Variants in SIK3 observed in about 807,000 individuals in gnomAD.
SIK3 encodes the protein SIK family kinase 3, also known as serine/threonine-protein kinase SIK3.
SIK3 carries 28 observed loss-of-function variants against 144.2 expected under a neutral mutation model. That is an observed-to-expected ratio of 0.19 (90% CI 0.14 to 0.27). The LOEUF is 0.27. Among genes scored for constraint, SIK3 ranks in the 10% least tolerant of loss-of-function variants. The pLI is 1.00. For synonymous variants in SIK3, 686 were observed against 676.3 expected (o/e 1.01, Z -0.22); for missense variants, 1,319 against 1,776.0 (o/e 0.74, Z 4.62).
chr11:117,028,896 G>T (rs923115842), intron 1 of SIK3, among the ~76,000 whole-genome samples: 7 of 152,026 alleles, frequency 4.6e-5, no homozygotes, highest in African/African-American at 1.7e-4. Flanking sequence ...GGCCAGGCAT[G>T]GTGGCTCATA....
At chr11:116,888,875 G>A (rs529493832) in intron 6 of SIK3, among the ~76,000 whole-genome samples, 5 of 152,148 alleles carry the variant, frequency 3.3e-5, no homozygotes, top group African/African-American at 4.8e-5. Context: ...TTATTTCTAA[G>A]CACTAATAGA....
intron 4 of SIK3, among the ~76,000 whole-genome samples, chr11:116,910,556 A>G (rs1230695766): frequency 2.0e-5 from 3 of 152,332 alleles, no homozygotes; most frequent in East Asian, 1.9e-4. Context: ...TTCTTTCACC[A>G]TTCCAGAGCT....
intron 4 of SIK3, among the ~76,000 whole-genome samples, chr11:116,909,157 A>T (rs1351530621): frequency 6.6e-6 from 1 of 152,212 alleles, no homozygotes; most frequent in Non-Finnish European, 1.5e-5. Flanking sequence ...AAACAGACAA[A>T]AAATAATATA....
At chr11:117,032,285 T>C (rs1048930954) in intron 1 of SIK3, among the ~76,000 whole-genome samples, 2 of 152,208 alleles carry the variant, frequency 1.3e-5, no homozygotes, top group African/African-American at 4.8e-5. Flanking sequence ...ATGTTGAGTC[T>C]TCCAATCATG....
At chr11:116,984,132 G>A (rs1330442762) in intron 1 of SIK3, among the ~76,000 whole-genome samples, 1 of 151,778 alleles carries the variant, frequency 6.6e-6, no homozygotes, top group African/African-American at 2.4e-5. Flanking sequence ...GGGGAAAAGG[G>A]ATCTGTAAAC....
chr11:117,092,403 C>A (rs1955288346), intron 1 of SIK3, among the ~76,000 whole-genome samples: 1 of 152,154 alleles, frequency 6.6e-6, no homozygotes, highest in Non-Finnish European at 1.5e-5. Context: ...GGTCTCAGCT[C>A]AAATATCATC....
chr11:117,012,816 A>T (rs561632692), intron 1 of SIK3, among the ~76,000 whole-genome samples: 1 of 149,286 alleles, frequency 6.7e-6, no homozygotes, highest in South Asian at 2.1e-4. Flanking sequence ...TAATATATTG[A>T]AATTCTTAGG....
At chr11:117,020,236 C>CATATATATATATATGTATAT (rs754633188) in intron 1 of SIK3, among the ~76,000 whole-genome samples, 1 of 122,242 alleles carries the variant, frequency 8.2e-6, no homozygotes, top group African/African-American at 3.7e-5. Context: ...TGTATATGTG[C>CATATATATATATATGTATAT]ATATATATAT....
chr11:116,956,585 C>A (rs1949146768), intron 2 of SIK3, among the ~76,000 whole-genome samples: 1 of 152,118 alleles, frequency 6.6e-6, no homozygotes, highest in Non-Finnish European at 1.5e-5. Flanking sequence ...TAACTTTTCA[C>A]CTCTCTAAAT....
intron 1 of SIK3, among the ~76,000 whole-genome samples, chr11:116,989,949 CTG>C (rs143394454): frequency 0.071 from 10,737 of 152,192 alleles, 666 homozygotes; most frequent in African/African-American, 0.17. Flanking sequence ...AGAACAATTT[CTG>C]TGTCTCAATC....
chr11:116,956,315 T>C (rs1209531396), intron 2 of SIK3, among the ~76,000 whole-genome samples: 1 of 151,194 alleles, frequency 6.6e-6, no homozygotes, highest in African/African-American at 2.4e-5. Context: ...GCATGAAATA[T>C]GCATGTTTCT....
At chr11:116,893,339 C>T (rs529464193) in intron 6 of SIK3, among the ~76,000 whole-genome samples, 10 of 152,118 alleles carry the variant, frequency 6.6e-5, no homozygotes, top group Admixed American at 4.6e-4. Flanking sequence ...AAACTGTGTA[C>T]CTTCCACTCA....
Position 116,974,955 on chromosome 11 carries a change from T to C in SIK3, c.274-17891A>G, listed in dbSNP as rs1949893982. ...TAGCCTAAGTTTTCTGGTAAAATAG[T>C]ATCCATCTCTCCTCTTCCCTAGACT... On this transcript the variant is annotated intron_variant, in intron 1 of 24. Coordinates refer to ENST00000445177, the MANE Select transcript of SIK3 (RefSeq NM_001366686.3). Among the ~76,000 whole-genome samples, 3 of 152,306 alleles carry C rather than the reference T, an allele frequency of 2.0e-5. No homozygotes were observed. The South Asian group carries it at 6.2e-4, about 32-fold the overall frequency.
intron 1 of SIK3, among the ~76,000 whole-genome samples, chr11:116,987,242 T>C (rs1950353781): frequency 1.3e-5 from 2 of 151,802 alleles, no homozygotes; most frequent in African/African-American, 4.8e-5. Context: ...GGGTTAAAAC[T>C]TGCCATTTCA....
At chr11:116,994,750 C>T (rs1230983304) in intron 1 of SIK3, among the ~76,000 whole-genome samples, 1 of 152,148 alleles carries the variant, frequency 6.6e-6, no homozygotes, top group Admixed American at 6.6e-5. Context: ...CTAAAACATA[C>T]GGGTTCAGCT....
intron 5 of SIK3, 113 bp downstream of exon 5, chr11:116,897,080 G>T: frequency 9.2e-7 from 1 of 1,088,640 alleles, no homozygotes. Flanking sequence ...GAAAGAACAG[G>T]TGACCAGGAT....
At chr11:117,036,732 T>A (rs182730567) in intron 1 of SIK3, among the ~76,000 whole-genome samples, 24 of 152,320 alleles carry the variant, frequency 1.6e-4, no homozygotes, top group African/African-American at 5.5e-4. Context: ...AAATGACTCT[T>A]CGGCAAAATA....
At chr11:116,932,356 G>A (rs537544706) in intron 3 of SIK3, among the ~76,000 whole-genome samples, 12 of 152,200 alleles carry the variant, frequency 7.9e-5, no homozygotes, top group South Asian at 4.2e-4. Flanking sequence ...CCCAGTTTCC[G>A]CCAATGGTTA....
intron 1 of SIK3, among the ~76,000 whole-genome samples, chr11:117,073,255 A>G (rs961320041): frequency 1.3e-5 from 2 of 152,210 alleles, no homozygotes; most frequent in African/African-American, 4.8e-5. Context: ...AACATCTCCA[A>G]TGCTCATTTT....
Sources: allele counts gnomAD v4.1 joint callset (sites outside exome capture counted in the v4.1 genomes callset), GRCh38; gene constraint gnomAD v4.1.1; transcripts MANE v1.5; gene names NCBI Gene and HGNC (gene_info 2026-07-23, HGNC 2026-07-21).